The following FOCAD variants were observed in gnomAD, a reference collection of about 807,000 sequenced individuals.
FOCAD encodes focadhesin.
FOCAD carries 198 observed loss-of-function variants against 225.6 expected under a neutral mutation model. The observed-to-expected ratio is 0.88, with a 90% CI of 0.78 to 0.99. FOCAD has a LOEUF of 0.99. Among genes scored for constraint, FOCAD ranks in the 50% least tolerant of loss-of-function variants. The probability of loss-of-function intolerance (pLI) is 0.00; values close to 1 mark genes in which losing one functional copy is unlikely to be tolerated. For missense variants in FOCAD, 2,713 were observed against 2,123.6 expected (o/e 1.28, Z -5.46); for synonymous variants, 897 against 755.0 (o/e 1.19, Z -3.08).
Position 20,948,317 on chromosome 9 carries a change from C to G in FOCAD, c.3722C>G (p.Ser1241Cys), listed in dbSNP as rs1203466979. Reference sequence around the variant, plus strand: ...TTAGGAAACATAGTTCATGGATTGTCTGTGTGTGGACATGGAAAAGCTGAA... The same window carrying G: ...TTAGGAAACATAGTTCATGGATTGTGTGTGTGTGGACATGGAAAAGCTGAA... The part of the protein sequence containing the change: ...LALGNIVHGL[S>C]VCGHGKAEDL... The change falls in exon 31 of 44, where the codon TCT becomes TGT. Residue 1241 changes from serine (S) to cysteine (C), a missense_variant. Physicochemically the swap from Ser to Cys is moderately radical, Grantham distance 112 (BLOSUM62 -1). Coordinates refer to ENST00000338382, the MANE Select transcript of FOCAD (RefSeq NM_001375567.1). 6.2e-7 allele frequency: 1 copy of G among 1,611,536 alleles called. No individual in the cohort carries two copies. Among genetic ancestry groups the G allele is most frequent in the Admixed American group, 1.7e-5 (1 of 59,844 alleles).
intron 21 of FOCAD, among the ~76,000 whole-genome samples, chr9:20,892,780 G>T (rs1831732546): frequency 6.6e-6 from 1 of 152,054 alleles, no homozygotes; most frequent in Admixed American, 6.6e-5. Flanking sequence ...AAGTTCTATG[G>T]ATGAAGCTAT....
At chr9:20,778,616 A>T (rs965029159) in intron 8 of FOCAD, 65 bp from the exon 9 acceptor site, 5 of 811,262 alleles carry the variant, frequency 6.2e-6, no homozygotes, top group Non-Finnish European at 8.5e-6. Context: ...TCCTGGATAC[A>T]TGTTACAAAG....
chr9:20,783,344 A>G (rs1000529279), intron 10 of FOCAD, among the ~76,000 whole-genome samples: 2 of 151,964 alleles, frequency 1.3e-5, no homozygotes, highest in Non-Finnish European at 2.9e-5. Context: ...ATATATGATC[A>G]CTGTTTTAAA....
At chr9:20,964,004 T>C (rs1194125178) in intron 35 of FOCAD, among the ~76,000 whole-genome samples, 1 of 152,122 alleles carries the variant, frequency 6.6e-6, no homozygotes, top group African/African-American at 2.4e-5. Flanking sequence ...ACTCGGTAAA[T>C]AGTTGAATGA....
In FOCAD at chr9:20,693,704, CTATTTATT is replaced by C. The variant is rs34849960; in HGVS notation, c.-33+9430_-33+9437del. ...TCCTTTGCAAGTACTTTTGCAATCA[CTATTTATT>C]TATTTATTTATTTATTTAGATGGAA... On this transcript the variant is annotated intron_variant, in intron 1 of 43. Coordinates refer to ENST00000338382, the MANE Select transcript of FOCAD (RefSeq NM_001375567.1). Among the ~76,000 whole-genome samples the C allele has an allele frequency of 1.3e-4, 19 of 151,716 alleles. No individual in the cohort carries two copies. The East Asian group carries it at 3.3e-3, about 26-fold the overall frequency.
intron 1 of FOCAD, among the ~76,000 whole-genome samples, chr9:20,701,645 G>A (rs566209347): frequency 2.6e-5 from 4 of 152,206 alleles, no homozygotes; most frequent in Non-Finnish European, 5.9e-5. Context: ...AACAGTCAAT[G>A]ATGAAATAAA....
chr9:20,887,963 A>T (rs1246992984), intron 21 of FOCAD, among the ~76,000 whole-genome samples: 1 of 151,672 alleles, frequency 6.6e-6, no homozygotes, highest in African/African-American at 2.4e-5. Flanking sequence ...GCATCTTTTC[A>T]TGTGTTTATT....
intron 2 of FOCAD, 129 bp downstream of exon 2, chr9:20,715,539 C>T: frequency 2.7e-6 from 1 of 374,556 alleles, no homozygotes; most frequent in Non-Finnish European, 4.5e-6. Flanking sequence ...TGTGAAACAA[C>T]TTTAAATATA....
At chr9:20,820,805 C>T (rs1021336680) in intron 13 of FOCAD, 136 bp from the exon 14 acceptor site, 35 of 937,240 alleles carry the variant, frequency 3.7e-5, no homozygotes, top group Non-Finnish European at 5.7e-5. Flanking sequence ...GCAATCTTCT[C>T]TGCTGATTAG....
Position 20,819,805 on chromosome 9 carries a change from C to T in FOCAD, c.1465C>T (p.Leu489=), listed in dbSNP as rs774488134. The T allele has an allele frequency of 6.5e-7, 1 of 1,530,684 alleles. No individual in the cohort carries two copies. The highest frequency in any genetic ancestry group is 2.4e-5 in the East Asian group (1 of 41,988). 94.8% of individuals were successfully genotyped at this position (1,530,684 alleles called of 1,614,324 possible). A position where few individuals can be genotyped will look rare whatever the true frequency, so the allele number is the denominator to read the frequency against. ...TAAAAATTCATTTTAGGTGCCAAAT[C>T]TGATTCCAGTTTTGATGTTCAAATT... The part of the protein sequence containing the change: ...AQADSSQVPN[L]IPVLMFKLGR... Residue 489 remains leucine, a synonymous_variant, in exon 12 of 44, where the codon CTG becomes TTG. Coordinates refer to ENST00000338382, the MANE Select transcript of FOCAD (RefSeq NM_001375567.1).
chr9:20,709,474 C>G (rs1007101594), intron 1 of FOCAD, among the ~76,000 whole-genome samples: 1 of 143,180 alleles, frequency 7.0e-6, no homozygotes, highest in Non-Finnish European at 1.5e-5. Flanking sequence ...GCTCTCCAGA[C>G]TGGGTGACAA....
At chr9:20,839,318 G>T (rs1439336455) in intron 15 of FOCAD, among the ~76,000 whole-genome samples, 1 of 150,560 alleles carries the variant, frequency 6.6e-6, no homozygotes, top group Non-Finnish European at 1.5e-5. Context: ...GAGTGCAGTG[G>T]CACAATCTTG....
chr9:20,773,975 T>C (rs535836162), intron 8 of FOCAD, among the ~76,000 whole-genome samples: 5 of 152,338 alleles, frequency 3.3e-5, no homozygotes, highest in African/African-American at 9.6e-5. Context: ...CCAGCATTAC[T>C]GCCTAAACTC....
rs1307012836 is a variant in FOCAD, at chr9:20,981,595, C to CCAT, written c.4548_4550dup (p.Ala1516_Met1517insIle). 6.2e-7 allele frequency: 1 copy of CCAT among 1,614,008 alleles called. No homozygotes were observed. Among genetic ancestry groups the CCAT allele is most frequent in the Non-Finnish European group, 8.5e-7 (1 of 1,179,978 alleles). On this transcript the variant is annotated inframe_insertion, in exon 38 of 44. Coordinates refer to ENST00000338382, the MANE Select transcript of FOCAD (RefSeq NM_001375567.1). ...AGTGCTTTACACGGTCTGAGCCAGGCCATGAAACTGCCCAGCCCTGCCCAC... is the reference window on the plus strand; with the variant it reads ...AGTGCTTTACACGGTCTGAGCCAGGCCATCATGAAACTGCCCAGCCCTGCCCAC...
chr9:20,930,860 G>A (rs1282793928), intron 27 of FOCAD, among the ~76,000 whole-genome samples: 1 of 152,174 alleles, frequency 6.6e-6, no homozygotes, highest in Non-Finnish European at 1.5e-5. Context: ...TATCTTGTGT[G>A]TGTGACAGAA....
chr9:20,776,582 C>T (rs1027089081), intron 8 of FOCAD, among the ~76,000 whole-genome samples: 1 of 152,174 alleles, frequency 6.6e-6, no homozygotes, highest in African/African-American at 2.4e-5. Flanking sequence ...CTTTTCCATT[C>T]ACCCTCTATT....
chr9:20,841,787 C>G (rs1265094237), intron 15 of FOCAD, among the ~76,000 whole-genome samples: 1 of 151,062 alleles, frequency 6.6e-6, no homozygotes, highest in Non-Finnish European at 1.5e-5. Flanking sequence ...TTCTTTTCTT[C>G]TAATTTTGGG....
At chr9:20,878,760 G>A (rs1017230792) in intron 19 of FOCAD, among the ~76,000 whole-genome samples, 1 of 152,172 alleles carries the variant, frequency 6.6e-6, no homozygotes, top group African/African-American at 2.4e-5. Context: ...GCTGGAGACT[G>A]GGATTCTGGT....
chr9:20,705,880 A>C lies in FOCAD; in HGVS notation c.-32-9442A>C, dbSNP rs150230371. 2.9e-3 allele frequency among the ~76,000 whole-genome samples: 432 copies of C among 151,408 alleles called. 4 individuals are homozygous for C. Among genetic ancestry groups the C allele is most frequent in the African/African-American group, 8.0e-3 (329 of 41,272 alleles). On this transcript the variant is annotated intron_variant, in intron 1 of 43. Transcript: ENST00000338382. ...TATGCCACAAGTTAAAACACAGAAT[A>C]ATTAGAGAAAATTTGTAACTAGTTA...
Sources: allele counts gnomAD v4.1 joint callset (sites outside exome capture counted in the v4.1 genomes callset), GRCh38; gene constraint gnomAD v4.1.1; transcripts MANE v1.5; gene names NCBI Gene and HGNC (gene_info 2026-07-23, HGNC 2026-07-21).